The following NLRP5 variants were observed in gnomAD, a reference collection of about 807,000 sequenced individuals.
NLRP5 encodes NLR family pyrin domain containing 5.
A neutral mutation model predicts 113.1 loss-of-function variants in NLRP5; 93 were observed. That is an observed-to-expected ratio of 0.82 (90% CI 0.70 to 0.98). The LOEUF is 0.98. Among genes scored for constraint, NLRP5 ranks in the 50% least tolerant of loss-of-function variants. The pLI, the probability that NLRP5 is intolerant of heterozygous loss-of-function variation, is 0.00. For missense variants in NLRP5, 1,808 were observed against 1,514.3 expected, an observed-to-expected ratio of 1.19 and a Z score of -3.22; for synonymous variants, 751 against 600.7, an observed-to-expected ratio of 1.25 and a Z score of -3.66.
At chr19:55,990,838 G>A in the NLRP5 span, among the ~76,000 whole-genome samples, 2 of 152,014 alleles carry the variant, frequency 1.3e-5, no homozygotes, top group Non-Finnish European at 2.9e-5. Flanking sequence ...AAGAAAAAAA[G>A]CTGGGCATGG....
At chr19:56,053,161 C>T (rs1333048005) in intron 12 of NLRP5, among the ~76,000 whole-genome samples, 2 of 151,794 alleles carry the variant, frequency 1.3e-5, no homozygotes, top group African/African-American at 2.4e-5. Flanking sequence ...TTTGAGAGGC[C>T]GAGGCAGGCG....
intron 6 of NLRP5, among the ~76,000 whole-genome samples, chr19:56,022,406 AG>A (rs61034795): frequency 0.42 from 63,168 of 151,468 alleles, 14,098 homozygotes; most frequent in South Asian, 0.51. Flanking sequence ...TGTTATAGAA[AG>A]GAGGGGGCAG....
chr19:55,996,424 C>G (rs1004178810), upstream of NLRP5, among the ~76,000 whole-genome samples: 2 of 152,072 alleles, frequency 1.3e-5, no homozygotes, highest in Non-Finnish European at 2.9e-5. Flanking sequence ...CATATGTATA[C>G]ATGTGCCCTG....
At chr19:56,022,968 C>T (rs1052463252) in intron 6 of NLRP5, among the ~76,000 whole-genome samples, 15 of 152,116 alleles carry the variant, frequency 9.9e-5, no homozygotes, top group Admixed American at 3.3e-4. Flanking sequence ...TCAGGTGATC[C>T]GCCTGCCTCG....
chr19:56,015,769 G>T lies in NLRP5; in HGVS notation c.536G>T (p.Ser179Ile). 6.4e-7 allele frequency: 1 copy of T among 1,572,392 alleles called. No individual in the cohort carries two copies. Among genetic ancestry groups the T allele is most frequent in the Non-Finnish European group, 8.6e-7 (1 of 1,157,154 alleles). The change falls in exon 4 of 15, where the codon AGT becomes ATT. Residue 179 changes from serine (S) to isoleucine (I), a missense_variant. Transcript: ENST00000390649. The stretch of plus-strand genomic sequence containing the variant: ...ATTTCACAAGCTGTGCAACAAGATA[G>T]TGCCACAGCTGCAGAGACAAAAGAA...
At chr19:56,037,908 G>A (rs1983378510) in intron 9 of NLRP5, 117 bp from the exon 10 acceptor site, 2 of 999,368 alleles carry the variant, frequency 2.0e-6, no homozygotes, top group East Asian at 2.6e-5. Flanking sequence ...GGAGGCAGGA[G>A]CAGACAGAGT....
chr19:56,008,680 T>G (rs1213202047), intron 2 of NLRP5, 108 bp from the exon 3 acceptor site: 7 of 922,610 alleles, frequency 7.6e-6, no homozygotes, highest in Non-Finnish European at 8.6e-6. Context: ...GATCCTGAGG[T>G]TTGTCTTGGT....
chr19:55,999,166 A>G (rs1384125978), upstream of NLRP5, among the ~76,000 whole-genome samples: 1 of 150,092 alleles, frequency 6.7e-6, no homozygotes, highest in Non-Finnish European at 1.5e-5. Context: ...TAATTGTTTT[A>G]GAATCCACAC....
intron 1 of NLRP5, among the ~76,000 whole-genome samples, chr19:56,000,889 C>T (rs1481014361): frequency 1.3e-5 from 2 of 151,592 alleles, no homozygotes; most frequent in Non-Finnish European, 2.9e-5. Flanking sequence ...GCCTGTAATC[C>T]CAGCTACTTG....
chr19:56,000,552 G>C (rs575666072), intron 1 of NLRP5, among the ~76,000 whole-genome samples: 4 of 151,806 alleles, frequency 2.6e-5, no homozygotes, highest in Admixed American at 1.3e-4. Flanking sequence ...TTTTAGTAGA[G>C]ATGGGGTTTC....
At chr19:55,987,938 G>A in the NLRP5 span, 13 of 1,551,116 alleles carry the variant, frequency 8.4e-6, no homozygotes, top group African/African-American at 1.4e-5. Context: ...TTTCTCTGGG[G>A]CTTGATTGAT....
In NLRP5 at chr19:56,027,508, T is replaced by C. The variant is rs1341726055; in HGVS notation, c.1275T>C (p.Arg425=). 8 of 1,613,844 alleles carry C rather than the reference T, an allele frequency of 5.0e-6. No homozygotes were observed. The highest frequency in any genetic ancestry group is 6.8e-6 in the Non-Finnish European group (8 of 1,179,880). Residue 425 remains arginine, a synonymous_variant, in exon 7 of 15, where the codon CGT becomes CGC. Transcript: ENST00000390649. ...TCAAGTCAGAGGTCGTGTCTCCCCGTTACCTGTTAGTTAGAGGAATCTCCG... is the reference window on the plus strand; with the variant it reads ...TCAAGTCAGAGGTCGTGTCTCCCCGCTACCTGTTAGTTAGAGGAATCTCCG...
Position 56,038,171 on chromosome 19 carries a change from C to A in NLRP5, c.2762C>A (p.Ser921Tyr), listed in dbSNP as rs867000180. ...CCTCTCAGTGATGCCTTGAGAGTCT[C>A]CCAGTGCGCCCTGCAGAAGCTGATG... is the stretch of plus-strand genomic sequence containing the variant. Residue 921 changes from serine (S) to tyrosine (Y), a missense_variant, in exon 10 of 15, where the codon TCC (serine) becomes TAC (tyrosine). Coordinates refer to ENST00000390649, the MANE Select transcript of NLRP5 (RefSeq NM_153447.4). The A allele has an allele frequency of 8.1e-6, 13 of 1,613,896 alleles. No individual in the cohort carries two copies. The Middle Eastern group carries it at 2.1e-3, about 266-fold the overall frequency.
chr19:56,017,808 CA>C (rs1568487052), intron 4 of NLRP5, among the ~76,000 whole-genome samples: 1 of 152,110 alleles, frequency 6.6e-6, no homozygotes, highest in African/African-American at 2.4e-5. Flanking sequence ...TCGTTTACAC[CA>C]AAAGCTTAGT....
intron 7 of NLRP5, among the ~76,000 whole-genome samples, chr19:56,029,288 A>G (rs1983001240): frequency 6.6e-6 from 1 of 151,948 alleles, no homozygotes. Context: ...TTTTTTTGAG[A>G]CAGAGTCTCA....
the NLRP5 span, among the ~76,000 whole-genome samples, chr19:55,993,061 C>T: frequency 6.6e-6 from 1 of 151,870 alleles, no homozygotes; most frequent in Non-Finnish European, 1.5e-5. Context: ...GTTGGTCAGG[C>T]TGGTCTTGAA....
intron 4 of NLRP5, 121 bp from the exon 5 acceptor site, chr19:56,019,221 T>C: frequency 3.6e-6 from 4 of 1,119,140 alleles, no homozygotes; most frequent in Non-Finnish European, 5.2e-6. Context: ...AGACAGTGGT[T>C]GCCATGTTTT....
intron 9 of NLRP5, among the ~76,000 whole-genome samples, chr19:56,035,928 G>A (rs1043393292): frequency 2.6e-5 from 4 of 151,974 alleles, no homozygotes; most frequent in South Asian, 4.1e-4. Flanking sequence ...TTGATTCTGC[G>A]TATAGTACAT....
intron 9 of NLRP5, among the ~76,000 whole-genome samples, chr19:56,037,142 G>T (rs548298537): frequency 1.8e-4 from 28 of 152,216 alleles, no homozygotes; most frequent in African/African-American, 6.5e-4. Flanking sequence ...GGTTAACAGG[G>T]AATTAAGTGA....
Sources: gnomAD v4.1 joint callset for allele counts (sites outside exome capture counted in the v4.1 genomes callset) on GRCh38, gnomAD v4.1.1 for gene constraint, MANE v1.5 for transcripts, NCBI Gene and HGNC (gene_info 2026-07-23, HGNC 2026-07-21) for gene names.